The following TAFA2 variants were observed in gnomAD, a reference collection of about 807,000 sequenced individuals.
TAFA2 encodes the protein chemokine-like protein TAFA-2.
Under a neutral mutation model 18.8 loss-of-function variants are expected in TAFA2, and 7 were observed. The ratio of observed to expected loss-of-function variants is 0.37; its 90% CI spans 0.21 to 0.70. TAFA2 has a LOEUF of 0.70. Among genes scored for constraint, TAFA2 ranks in the 30% least tolerant of loss-of-function variants. The pLI is 0.53. For missense variants in TAFA2, 122 were observed against 158.1 expected, an observed-to-expected ratio of 0.77 and a Z score of 1.23; for synonymous variants, 60 against 54.2, an observed-to-expected ratio of 1.11 and a Z score of -0.47.
intron 1 of TAFA2, among the ~76,000 whole-genome samples, chr12:62,001,095 C>T (rs189316892): frequency 1.3e-5 from 2 of 152,248 alleles, no homozygotes; most frequent in African/African-American, 4.8e-5. Context: ...TAGCAAAAAC[C>T]CTGAACTTCC....
At chr12:62,087,259 C>T (rs1352919230) in intron 1 of TAFA2, among the ~76,000 whole-genome samples, 1 of 152,046 alleles carries the variant, frequency 6.6e-6, no homozygotes, top group African/African-American at 2.4e-5. Context: ...TACTTAATAC[C>T]ATTGAACTGT....
chr12:61,980,687 T>C (rs996069427), intron 1 of TAFA2, among the ~76,000 whole-genome samples: 5 of 152,172 alleles, frequency 3.3e-5, no homozygotes, highest in Non-Finnish European at 7.3e-5. Flanking sequence ...AGCCAAATCA[T>C]GAGTGAACTC....
intron 1 of TAFA2, among the ~76,000 whole-genome samples, chr12:61,923,868 G>C (rs2121372375): frequency 6.6e-6 from 1 of 151,946 alleles, no homozygotes; most frequent in South Asian, 2.1e-4. Context: ...CTGCTAACTA[G>C]AATAAGCAAT....
At chr12:61,955,632 A>AATATATTT (rs1878655769) in intron 1 of TAFA2, among the ~76,000 whole-genome samples, 39 of 41,204 alleles carry the variant, frequency 9.5e-4, no homozygotes, top group Non-Finnish European at 1.3e-3. Flanking sequence ...AAAAAAAAAA[A>AATATATTT]ATATATATAT....
At chr12:61,733,057 G>A (rs1281106565) in intron 4 of TAFA2, among the ~76,000 whole-genome samples, 1 of 152,004 alleles carries the variant, frequency 6.6e-6, no homozygotes, top group Non-Finnish European at 1.5e-5. Flanking sequence ...AGGGGGTTCT[G>A]AAAGAAAGAA....
intron 1 of TAFA2, among the ~76,000 whole-genome samples, chr12:62,082,571 C>T (rs1868340807): frequency 6.6e-6 from 1 of 152,186 alleles, no homozygotes; most frequent in Non-Finnish European, 1.5e-5. Context: ...ATCTGACACA[C>T]ATGACACAGC....
chr12:61,847,082 C>T (rs1214698025), intron 2 of TAFA2, among the ~76,000 whole-genome samples: 1 of 152,188 alleles, frequency 6.6e-6, no homozygotes, highest in Non-Finnish European at 1.5e-5. Flanking sequence ...CTCTTACTTT[C>T]ATCGACCCAC....
chr12:62,184,499 A>ATTTTTTTTTTTTTTTTTTTT (rs770289214), intron 1 of TAFA2, among the ~76,000 whole-genome samples: 1 of 33,992 alleles, frequency 2.9e-5, no homozygotes, highest in Admixed American at 2.8e-4. Context: ...GAAAAAAAAA[A>ATTTTTTTTTTTTTTTTTTTT]TTCTTTTTTT....
At chr12:61,836,062 G>A (rs1460471105) in intron 2 of TAFA2, among the ~76,000 whole-genome samples, 1 of 151,798 alleles carries the variant, frequency 6.6e-6, no homozygotes, top group Admixed American at 6.6e-5. Flanking sequence ...TTAGACTAAT[G>A]GATTCCCCCA....
In TAFA2 at chr12:61,755,689, G is replaced by C. The variant is rs1869230462; in HGVS notation, c.107-665C>G. Among the ~76,000 whole-genome samples, 6 of 152,066 alleles carry C rather than the reference G, an allele frequency of 3.9e-5. No homozygotes were observed. In the South Asian group the frequency reaches 1.2e-3, roughly 32 times the overall value. The stretch of plus-strand genomic sequence containing the variant: ...CCATGAACTTGGATAATTCGTATCT[G>C]GCAGCCAATTGCCTGTAAACCCAGT... On this transcript the variant is annotated intron_variant, in intron 2 of 4. Coordinates refer to ENST00000416284, the MANE Select transcript of TAFA2 (RefSeq NM_178539.5).
chr12:61,886,421 C>T (rs1370023717), intron 1 of TAFA2, among the ~76,000 whole-genome samples: 6 of 152,292 alleles, frequency 3.9e-5, no homozygotes, highest in Non-Finnish European at 2.9e-5. Flanking sequence ...GAAACTTAGT[C>T]CTGCTCTTTG....
intron 2 of TAFA2, among the ~76,000 whole-genome samples, chr12:61,808,245 G>A (rs1286816744): frequency 6.6e-6 from 1 of 151,498 alleles, no homozygotes; most frequent in African/African-American, 2.5e-5. Context: ...ATAAGGGTGA[G>A]TTTCCCTGCA....
chr12:61,756,894 T>G (rs1160672263), intron 2 of TAFA2, among the ~76,000 whole-genome samples: 2 of 151,964 alleles, frequency 1.3e-5, no homozygotes, highest in African/African-American at 4.8e-5. Context: ...GGTCATGAAG[T>G]AGGGGGAAGT....
At chr12:61,802,596 G>A (rs1379695371) in intron 2 of TAFA2, among the ~76,000 whole-genome samples, 1 of 151,982 alleles carries the variant, frequency 6.6e-6, no homozygotes, top group Non-Finnish European at 1.5e-5. Flanking sequence ...GTTATCAAGA[G>A]ACTGGGAAGG....
intron 2 of TAFA2, among the ~76,000 whole-genome samples, chr12:61,760,361 T>A (rs1869481967): frequency 7.5e-6 from 1 of 133,392 alleles, no homozygotes; most frequent in South Asian, 2.4e-4. Context: ...AGGAAAAATA[T>A]CAAAATATAT....
At chr12:61,790,360 T>G (rs1401679457) in intron 2 of TAFA2, among the ~76,000 whole-genome samples, 1 of 151,844 alleles carries the variant, frequency 6.6e-6, no homozygotes, top group Non-Finnish European at 1.5e-5. Flanking sequence ...CTGGAAGTCC[T>G]AGCCAGAGTA....
At chr12:61,827,978 C>T (rs917948806) in intron 2 of TAFA2, among the ~76,000 whole-genome samples, 8 of 151,912 alleles carry the variant, frequency 5.3e-5, no homozygotes, top group African/African-American at 1.7e-4. Context: ...AAAATAAAGA[C>T]ATTAATGAAG....
chr12:61,800,716 G>C (rs193200549), intron 2 of TAFA2, among the ~76,000 whole-genome samples: 1 of 152,278 alleles, frequency 6.6e-6, no homozygotes, highest in East Asian at 1.9e-4. Context: ...ATAAATGGGA[G>C]ATAGCTTGGA....
chr12:62,032,646 C>T (rs926659844), intron 1 of TAFA2, among the ~76,000 whole-genome samples: 3 of 151,746 alleles, frequency 2.0e-5, no homozygotes, highest in Admixed American at 2.0e-4. Flanking sequence ...CAGAAACAAC[C>T]CTCATATAAG....
Sources: allele counts gnomAD v4.1 joint callset (sites outside exome capture counted in the v4.1 genomes callset), GRCh38; gene constraint gnomAD v4.1.1; transcripts MANE v1.5; gene names NCBI Gene and HGNC (gene_info 2026-07-23, HGNC 2026-07-21).